TRAF5: variants seen among roughly 807,000 people sequenced by gnomAD.
The protein encoded by TRAF5 is TNF receptor associated factor 5.
Under a neutral mutation model 64.5 loss-of-function variants are expected in TRAF5, and 48 were observed. That is an observed-to-expected ratio of 0.74 (90% confidence interval 0.59 to 0.95). The LOEUF is 0.95. Ranked by LOEUF, TRAF5 falls within the 40% of genes least tolerant of loss-of-function variation. The probability of loss-of-function intolerance (pLI) is 0.00; values close to 1 mark genes in which losing one functional copy is unlikely to be tolerated. For missense variants in TRAF5, 545 were observed against 662.8 expected, an observed-to-expected ratio of 0.82 and a Z score of 1.95; for synonymous variants, 206 against 240.5, an observed-to-expected ratio of 0.86 and a Z score of 1.33.
At position 211,354,483 on chromosome 1, in the gene TRAF5, C is replaced by T; in HGVS notation, c.276+16C>T. 1.9e-6 allele frequency: 3 copies of T among 1,613,082 alleles called. No individual in the cohort carries two copies. Among genetic ancestry groups the T allele is most frequent in the Non-Finnish European group, 2.5e-6 (3 of 1,179,104 alleles). On this transcript the variant is annotated intron_variant, in intron 3 of 10. Transcript: ENST00000261464. ...ATCTCAGGAGGTAAGAAAGTCACTG[C>T]TTTTGTCTAGCAGCTCTCAGGGTGA...
At position 211,344,316 on chromosome 1, in the gene TRAF5, A is replaced by G. The variant is rs1052842105; in HGVS notation, c.-1-8923A>G. The stretch of plus-strand genomic sequence containing the variant: ...GGAGAGAAGTCACAGTTCTCTTTAA[A>G]GTAATTAAAATTATACTCACATCAT... On this transcript the variant is annotated intron_variant, in intron 1 of 10. Transcript: ENST00000261464. Among the ~76,000 whole-genome samples, 4 of 152,210 alleles carry G rather than the reference A, an allele frequency of 2.6e-5. No individual in the cohort carries two copies. The East Asian group carries it at 7.7e-4, about 29-fold the overall frequency.
chr1:211,356,722 G>C (rs2102749446), intron 4 of TRAF5: 2 of 335,270 alleles, frequency 6.0e-6, no homozygotes, highest in East Asian at 5.5e-5. Flanking sequence ...TTGTGTGGTA[G>C]GGATCATTGA....
intron 3 of TRAF5, 121 bp downstream of exon 3, chr1:211,354,588 C>T: frequency 2.0e-6 from 2 of 1,003,208 alleles, no homozygotes; most frequent in Admixed American, 4.1e-5. Flanking sequence ...AGTCCATATT[C>T]TTCTGCTGTG....
intron 4 of TRAF5, chr1:211,357,975 G>A (rs1398041347): frequency 6.6e-6 from 1 of 152,182 alleles, no homozygotes; most frequent in Admixed American, 6.5e-5. Context: ...TAGACAATAT[G>A]TGAAGGAATA....
intron 7 of TRAF5, among the ~76,000 whole-genome samples, chr1:211,363,573 C>G (rs1572087960): frequency 6.6e-6 from 1 of 151,790 alleles, no homozygotes. Flanking sequence ...TTTTAAAAAC[C>G]ATTTGAAAAA....
At chr1:211,369,235 A>C in intron 8 of TRAF5, 1 of 366,206 alleles carries the variant, frequency 2.7e-6, no homozygotes, top group Non-Finnish European at 4.8e-6. Context: ...GGTATAGAAA[A>C]GGCTGATGAG....
At position 211,373,509 on chromosome 1, in the gene TRAF5, C is replaced by T. The variant is rs929849587; in HGVS notation, c.*807C>T. 2 of 152,112 alleles carry T rather than the reference C, an allele frequency of 1.3e-5. No individual in the cohort carries two copies. The highest frequency in any genetic ancestry group is 2.9e-5 in the Non-Finnish European group (2 of 68,036). The allele number at this position is 152,112 out of a possible 1,614,324, so 9.4% of individuals were successfully genotyped here. ...AACCAAATAAATATATATATACACA[C>T]ACACATACATATACACCTATATATG... is the stretch of plus-strand genomic sequence containing the variant. On this transcript the variant is annotated 3_prime_UTR_variant, in exon 11 of 11. Transcript: ENST00000261464.
At position 211,371,489 on chromosome 1, in the gene TRAF5, T is replaced by G. The variant is rs1464831874; in HGVS notation, c.1099+19T>G. 8.1e-6 allele frequency: 13 copies of G among 1,599,024 alleles called. No individual in the cohort carries two copies. The highest frequency in any genetic ancestry group is 1.1e-5 in the Non-Finnish European group (13 of 1,176,726). On this transcript the variant is annotated intron_variant, in intron 10 of 10. Transcript: ENST00000261464. ...AGATTAGGTATGTCTGATATTTTAT[T>G]TCTCTTTTGGTGACTCATTTGTCTG...
intron 1 of TRAF5, among the ~76,000 whole-genome samples, chr1:211,329,235 C>T (rs1315347257): frequency 1.3e-5 from 2 of 152,244 alleles, no homozygotes; most frequent in Non-Finnish European, 2.9e-5. Flanking sequence ...TAGAGTAGGC[C>T]TAAACAGATG....
chr1:211,329,145 C>A (rs1340537910), intron 1 of TRAF5, among the ~76,000 whole-genome samples: 1 of 152,230 alleles, frequency 6.6e-6, no homozygotes, highest in Non-Finnish European at 1.5e-5. Context: ...GAACAGACAT[C>A]CACTCTGTTA....
chr1:211,327,393 G>A (rs1208160832), intron 1 of TRAF5, among the ~76,000 whole-genome samples: 2 of 152,208 alleles, frequency 1.3e-5, no homozygotes, highest in Admixed American at 6.5e-5. Context: ...GAAACTTCAG[G>A]ATTGCAAGGA....
chr1:211,364,819 A>G (rs1288740651), intron 7 of TRAF5, among the ~76,000 whole-genome samples: 1 of 152,216 alleles, frequency 6.6e-6, no homozygotes, highest in Non-Finnish European at 1.5e-5. Flanking sequence ...GGCAAGGAAG[A>G]AAATCAGCAC....
Position 211,369,645 on chromosome 1 carries a change from A to C in TRAF5, c.930+53A>C, listed in dbSNP as rs940626203. On this transcript the variant is annotated intron_variant, in intron 9 of 10. Coordinates refer to ENST00000261464, the MANE Select transcript of TRAF5 (RefSeq NM_001033910.3). Reference sequence around the variant, plus strand: ...CAAGATTTGGCTTTCAATTGCAGTGAGAGTTTTTCTTTTAACTTCTTAAAT... The same window carrying C: ...CAAGATTTGGCTTTCAATTGCAGTGCGAGTTTTTCTTTTAACTTCTTAAAT... 4 of 1,481,524 alleles carry C rather than the reference A, an allele frequency of 2.7e-6. No individual in the cohort carries two copies. In the African/African-American group the frequency reaches 5.8e-5, roughly 21 times the overall value. 91.8% of individuals were successfully genotyped at this position (1,481,524 alleles called of 1,614,324 possible).
chr1:211,357,315 TATA>T (rs1702999907), intron 4 of TRAF5: 1 of 152,256 alleles, frequency 6.6e-6, no homozygotes, highest in Non-Finnish European at 1.5e-5. Context: ...GGACTGAGCT[TATA>T]AATGTGTAAA....
At chr1:211,350,229 T>C (rs1309595037) in intron 1 of TRAF5, among the ~76,000 whole-genome samples, 1 of 151,524 alleles carries the variant, frequency 6.6e-6, no homozygotes, top group East Asian at 1.9e-4. Flanking sequence ...TTTTTTTTTT[T>C]TGAGACAGGG....
At chr1:211,357,826 C>CTCA (rs1161696242) in intron 4 of TRAF5, 1 of 152,160 alleles carries the variant, frequency 6.6e-6, no homozygotes, top group East Asian at 1.9e-4. Context: ...TCAGCAAACT[C>CTCA]TCTTAAGAGT....
intron 3 of TRAF5, among the ~76,000 whole-genome samples, chr1:211,356,148 ATTG>A (rs1702955311): frequency 6.6e-6 from 1 of 152,206 alleles, no homozygotes; most frequent in South Asian, 2.1e-4. Flanking sequence ...TGCGCAGGGC[ATTG>A]TTACCTGGCT....
chr1:211,363,557 C>A (rs1397961037), intron 7 of TRAF5, among the ~76,000 whole-genome samples: 1 of 152,006 alleles, frequency 6.6e-6, no homozygotes, highest in East Asian at 1.9e-4. Context: ...GCACATATTT[C>A]TTTTATTTTA....
intron 1 of TRAF5, among the ~76,000 whole-genome samples, chr1:211,352,913 C>T (rs564815903): frequency 1.3e-5 from 2 of 152,266 alleles, no homozygotes; most frequent in African/African-American, 4.8e-5. Flanking sequence ...AATTAACACA[C>T]CTGGCTATAT....
Sources: allele counts gnomAD v4.1 joint callset (sites outside exome capture counted in the v4.1 genomes callset), GRCh38; gene constraint gnomAD v4.1.1; transcripts MANE v1.5; gene names NCBI Gene and HGNC (gene_info 2026-07-23, HGNC 2026-07-21).